Variants in ETV7 observed in about 807,000 individuals in gnomAD.
ETV7 encodes the protein ETS variant transcription factor 7.
ETV7 carries 43 observed loss-of-function variants against 39.1 expected under a neutral mutation model. The ratio of observed to expected loss-of-function variants is 1.10; its 90% CI spans 0.86 to 1.42. The LOEUF is 1.42. Among genes scored for constraint, ETV7 ranks in the 40% most tolerant of loss-of-function variants. The probability of loss-of-function intolerance (pLI) is 0.00; values close to 1 mark genes in which losing one functional copy is unlikely to be tolerated. For missense variants in ETV7, 432 were observed against 442.3 expected (o/e 0.98, Z 0.21); for synonymous variants, 196 against 176.6 (o/e 1.11, Z -0.87).
chr6:36,369,489 T>C (rs1453693937), intron 5 of ETV7, among the ~76,000 whole-genome samples: 1 of 152,192 alleles, frequency 6.6e-6, no homozygotes, highest in Admixed American at 6.5e-5. Context: ...CTCAGCCCCC[T>C]GGACTTCTAT....
At chr6:36,357,781 G>A (rs1191004656) in intron 7 of ETV7, among the ~76,000 whole-genome samples, 1 of 152,146 alleles carries the variant, frequency 6.6e-6, no homozygotes, top group East Asian at 1.9e-4. Context: ...GGGAGGCTGA[G>A]GCATGAGAAT....
At chr6:36,361,071 C>T (rs1007548230) in intron 7 of ETV7, among the ~76,000 whole-genome samples, 2 of 152,166 alleles carry the variant, frequency 1.3e-5, no homozygotes, top group African/African-American at 4.8e-5. Flanking sequence ...ACTCCCCATC[C>T]CCAGTATATG....
Position 36,387,550 on chromosome 6 carries a change from G to T in ETV7, c.-9C>A. 6.2e-7 allele frequency: 1 copy of T among 1,614,084 alleles called. No individual in the cohort carries two copies. Among genetic ancestry groups the T allele is most frequent in the South Asian group, 1.1e-5 (1 of 91,086 alleles). The stretch of plus-strand genomic sequence containing the variant: ...CAGGCTCTTACCTGCATTACAGGTG[G>T]AGGTGAGGAAGCCACCGGCTTTCTG... On this transcript the variant is annotated 5_prime_UTR_variant, in exon 1 of 8. Transcript: ENST00000340181.
At chr6:36,373,377 G>A (rs576401158) in intron 4 of ETV7, 76 bp downstream of exon 4, 9 of 1,421,532 alleles carry the variant, frequency 6.3e-6, no homozygotes, top group East Asian at 5.6e-5. Flanking sequence ...TCATTGCTTC[G>A]CCTTGAGGAT....
downstream of ETV7, chr6:36,366,077 G>T: frequency 1.8e-6 from 1 of 542,614 alleles, no homozygotes; most frequent in Non-Finnish European, 2.4e-6. Flanking sequence ...CGGAGGCTGA[G>T]GCACGAGAAT....
intron 2 of ETV7, among the ~76,000 whole-genome samples, chr6:36,384,616 G>A (rs935000466): frequency 6.6e-6 from 1 of 152,150 alleles, no homozygotes; most frequent in Non-Finnish European, 1.5e-5. Context: ...TTGGCCGGGT[G>A]CGGTGGCCCA....
At chr6:36,369,585 G>A (rs575137132) in intron 5 of ETV7, among the ~76,000 whole-genome samples, 5 of 152,334 alleles carry the variant, frequency 3.3e-5, no homozygotes, top group South Asian at 4.1e-4. Context: ...GTGGGCATCC[G>A]GGAGCAACTG....
In ETV7 at chr6:36,371,312, G is replaced by A; in HGVS notation, c.664+18C>T. Reference sequence around the variant, plus strand: ...CTCAGTGCACCTTCCATGGCCAGAGGAACAGCCTCCCACTCACCAGCGATC... The same window carrying A: ...CTCAGTGCACCTTCCATGGCCAGAGAAACAGCCTCCCACTCACCAGCGATC... On this transcript the variant is annotated intron_variant, in intron 5 of 7. Coordinates refer to ENST00000340181, the MANE Select transcript of ETV7 (RefSeq NM_016135.4). The A allele has an allele frequency of 6.4e-7, 1 of 1,564,486 alleles. No homozygotes were observed. The highest frequency in any genetic ancestry group is 1.9e-5 in the Admixed American group (1 of 53,960).
intron 4 of ETV7, among the ~76,000 whole-genome samples, chr6:36,372,778 T>C: frequency 7.3e-6 from 1 of 136,456 alleles, no homozygotes; most frequent in South Asian, 2.5e-4. Context: ...GATGCCCCAG[T>C]GGAGGGGTGG....
chr6:36,361,278 G>A (rs536935717), downstream of ETV7, among the ~76,000 whole-genome samples: 3 of 152,294 alleles, frequency 2.0e-5, no homozygotes, highest in African/African-American at 7.2e-5. Flanking sequence ...CGCCAGCAGC[G>A]CAGGGCCCTG....
intron 3 of ETV7, among the ~76,000 whole-genome samples, chr6:36,375,578 A>G (rs1457946375): frequency 6.6e-6 from 1 of 152,190 alleles, no homozygotes; most frequent in African/African-American, 2.4e-5. Context: ...AACAGGATGG[A>G]AGTGGATAGA....
intron 2 of ETV7, 152 bp downstream of exon 2, chr6:36,385,382 C>G (rs1201876374): frequency 8.8e-6 from 8 of 910,372 alleles, no homozygotes; most frequent in Non-Finnish European, 1.0e-5. Context: ...GGGAGGATTA[C>G]TTGAACCCAG....
At position 36,371,382 on chromosome 6, in the gene ETV7, C is replaced by T. The variant is rs1164397046; in HGVS notation, c.612G>A (p.Gly204=). The T allele has an allele frequency of 6.2e-7, 1 of 1,601,694 alleles. No homozygotes were observed. The highest frequency in any genetic ancestry group is 1.1e-5 in the South Asian group (1 of 89,096). Residue 204 remains glycine, a synonymous_variant, in exon 5 of 8, where the codon GGG becomes GGA. Transcript: ENST00000340181. ...HCAELGCRTQ[G]VCSFPAMPQA... is the part of the protein sequence containing the mutation. ...GCGGCATCGCGGGGAAGGAACAGAC[C>T]CCCTGGGTCCTGCAGCCGAGCTCTG... is the stretch of plus-strand genomic sequence containing the variant.
chr6:36,358,305 G>A (rs1405947047), intron 7 of ETV7, among the ~76,000 whole-genome samples: 2 of 152,224 alleles, frequency 1.3e-5, no homozygotes, highest in East Asian at 3.9e-4. Context: ...GAGCTGCCAA[G>A]CTTTTGTTTC....
chr6:36,371,786 G>C (rs150855223), intron 4 of ETV7, among the ~76,000 whole-genome samples: 1 of 152,368 alleles, frequency 6.6e-6, no homozygotes, highest in African/African-American at 2.4e-5. Context: ...TGTCAAGCCT[G>C]TTCCCTCATC....
At chr6:36,375,773 G>C in intron 3 of ETV7, 98 bp downstream of exon 3, 1 of 1,576,660 alleles carries the variant, frequency 6.3e-7, no homozygotes, top group Non-Finnish European at 8.6e-7. Flanking sequence ...CCCCAAGGAA[G>C]ACCCCTCCAT....
chr6:36,378,372 A>C (rs998808673), intron 2 of ETV7, among the ~76,000 whole-genome samples: 1 of 152,210 alleles, frequency 6.6e-6, no homozygotes, highest in Non-Finnish European at 1.5e-5. Flanking sequence ...TACAAATCTT[A>C]ATAGAAGTAG....
At chr6:36,358,494 T>C (rs75343953) in intron 7 of ETV7, among the ~76,000 whole-genome samples, 12,275 of 152,292 alleles carry the variant, frequency 0.081, 656 homozygotes, top group African/African-American at 0.15. Context: ...GGGCTAGAGT[T>C]GGCATATTCT....
At chr6:36,374,747 G>A (rs546164927) in intron 3 of ETV7, among the ~76,000 whole-genome samples, 7 of 152,190 alleles carry the variant, frequency 4.6e-5, no homozygotes, top group South Asian at 2.1e-4. Context: ...GCTGCTACAG[G>A]AGGCTCACAG....
Sources: allele counts gnomAD v4.1 joint callset (sites outside exome capture counted in the v4.1 genomes callset), GRCh38; gene constraint gnomAD v4.1.1; transcripts MANE v1.5; gene names NCBI Gene and HGNC (gene_info 2026-07-23, HGNC 2026-07-21).